The following HHATL variants were observed in gnomAD, a reference collection of about 807,000 sequenced individuals.
HHATL encodes the protein hedgehog acyltransferase like.
In HHATL, 49 loss-of-function variants were observed where a neutral mutation model predicts 59.7. The observed-to-expected ratio is 0.82, with a 90% CI of 0.65 to 1.04. The LOEUF is 1.04. Ranked by LOEUF, HHATL falls within the 50% of genes least tolerant of loss-of-function variation. The pLI is 0.00. For synonymous variants in HHATL, 238 were observed against 257.3 expected (o/e 0.93, Z 0.72); for missense variants, 605 against 650.8 (o/e 0.93, Z 0.77).
intron 9 of HHATL, chr3:42,694,086 A>T (rs890779170): frequency 3.9e-6 from 2 of 511,830 alleles, no homozygotes; most frequent in African/African-American, 3.8e-5. Context: ...TATGACGATG[A>T]CCCCTAAATC....
At chr3:42,694,985 CACTG>C (rs1354920810) in intron 9 of HHATL, among the ~76,000 whole-genome samples, 2 of 152,228 alleles carry the variant, frequency 1.3e-5, no homozygotes, top group Non-Finnish European at 2.9e-5. Flanking sequence ...TTGCCATGTT[CACTG>C]CTGTATCCCC....
At chr3:42,699,205 G>C (rs191545700) in intron 3 of HHATL, 60 bp from the exon 4 acceptor site, 1 of 1,211,540 alleles carries the variant, frequency 8.3e-7, no homozygotes, top group African/African-American at 1.5e-5. Flanking sequence ...GGGACAGGAC[G>C]AGCTGGAACC....
chr3:42,698,873 C>A lies in HHATL; in HGVS notation c.318G>T (p.Gly106=). Residue 106 remains glycine, a synonymous_variant, in exon 5 of 12, where the codon GGG becomes GGT. Transcript: ENST00000441594. ...KLRSWMYAVY[G]ALAVMGTMGP... ...CCATTGTGCCCATCACAGCCAAGGC[C>A]CCGTACACAGCATACATCCAGGAGC... 1.2e-6 allele frequency: 2 copies of A among 1,610,860 alleles called. No homozygotes were observed. Among genetic ancestry groups the A allele is most frequent in the Non-Finnish European group, 1.7e-6 (2 of 1,178,456 alleles).
At chr3:42,697,803 G>A (rs1053277661) in intron 6 of HHATL, 124 bp from the exon 7 acceptor site, 2 of 1,035,018 alleles carry the variant, frequency 1.9e-6, no homozygotes, top group African/African-American at 3.2e-5. Flanking sequence ...CCTGCCTGAG[G>A]GTGGAGACAG....
chr3:42,693,671 G>T lies in HHATL; in HGVS notation c.1194C>A (p.Asn398Lys), dbSNP rs1473150995. 6.2e-7 allele frequency: 1 copy of T among 1,614,180 alleles called. No homozygotes were observed. Among genetic ancestry groups the T allele is most frequent in the East Asian group, 2.2e-5 (1 of 44,882 alleles). The change falls in exon 10 of 12, where the codon AAC (asparagine) becomes AAA (lysine). Residue 398 changes from asparagine to lysine, a missense_variant. Coordinates refer to ENST00000441594, the MANE Select transcript of HHATL (RefSeq NM_020707.4). Reference protein sequence around the residue: ...LWSFLNCFGLNFELWMQKLAE... With the variant: ...LWSFLNCFGLKFELWMQKLAE... Reference sequence around the variant, plus strand: ...CCAGTTTTTGCATCCAGAGCTCAAAGTTGAGGCCAAAGCAGTTAAGGAATG... The same window carrying T: ...CCAGTTTTTGCATCCAGAGCTCAAATTTGAGGCCAAAGCAGTTAAGGAATG...
intron 3 of HHATL, among the ~76,000 whole-genome samples, chr3:42,699,549 T>G (rs1697840173): frequency 6.6e-6 from 1 of 152,132 alleles, no homozygotes; most frequent in East Asian, 1.9e-4. Flanking sequence ...ACTCCACTAA[T>G]GCGACCTATT....
rs780006207 is a variant in HHATL at position 42,700,823 on chromosome 3, C to T, written c.4G>A (p.Gly2Ser). 1 of 1,612,770 alleles carries T rather than the reference C, an allele frequency of 6.2e-7. No individual in the cohort carries two copies. Among genetic ancestry groups the T allele is most frequent in the Non-Finnish European group, 8.5e-7 (1 of 1,178,880 alleles). The change falls in exon 2 of 12, where the codon GGC becomes AGC. Residue 2 changes from glycine (G) to serine (S), a missense_variant. Transcript: ENST00000441594. MGIKTALPAAEL... is the reference protein window; with the variant it reads MSIKTALPAAEL... ...GCCGCCGGCAATGCTGTCTTGATGC[C>T]CATAGCCTGGACAGGGCTGGGGAGA... is the stretch of plus-strand genomic sequence containing the variant.
Position 42,701,165 on chromosome 3 carries a change from A to T in HHATL, c.-13-326T>A, listed in dbSNP as rs1324593307. 1 of 282,104 alleles carries T rather than the reference A, an allele frequency of 3.5e-6. No individual in the cohort carries two copies. The allele number at this position is 282,104 out of a possible 1,614,324, so 17.5% of individuals were successfully genotyped here. ...GGCACCGGCCCCACCCTCTGCCAAA[A>T]CCGCTCCTGCCAAGGCCCCCATGAC... On this transcript the variant is annotated intron_variant, in intron 1 of 11. Transcript: ENST00000441594. This position sits in a 1 kb window ranked among gnomAD's most constrained non-coding sequence, Gnocchi z 5.1.
In HHATL at chr3:42,694,706, G is replaced by A. The variant is rs144811164; in HGVS notation, c.1047-888C>T. ...CCCACACAGTTGGTTTGTGTCTCAA[G>A]GCCTTTGCCCTTGTTGTTCCCTCTA... is the stretch of plus-strand genomic sequence containing the variant. On this transcript the variant is annotated intron_variant, in intron 9 of 11. Transcript: ENST00000441594. Among the ~76,000 whole-genome samples the A allele has an allele frequency of 1.4e-3, 217 of 152,214 alleles. No individual in the cohort carries two copies. In the East Asian group the frequency reaches 0.014, roughly 10 times the overall value.
chr3:42,700,804 G>A lies in HHATL; in HGVS notation c.23C>T (p.Pro8Leu), dbSNP rs756864904. The change falls in exon 2 of 12, where the codon CCG becomes CTG. Residue 8 changes from proline to leucine, a missense_variant. Transcript: ENST00000441594. MGIKTAL[P>L]AAELGLYSLV... The stretch of plus-strand genomic sequence containing the variant: ...AGAGTAGAGGCCCAGCTCAGCCGCC[G>A]GCAATGCTGTCTTGATGCCCATAGC... The A allele has an allele frequency of 5.0e-5, 80 of 1,613,724 alleles. No individual in the cohort carries two copies. Among genetic ancestry groups the A allele is most frequent in the South Asian group, 2.0e-4 (18 of 91,072 alleles).
Position 42,698,297 on chromosome 3 carries a change from T to C in HHATL, c.538A>G (p.Ser180Gly), listed in dbSNP as rs1341010328. ...GTGCAACGCAGCACTGTGAAGCTGC[T>C]GCCCCCATGAAACAGCACCTCTTGA... The part of the protein sequence containing the change: ...DLQEVLFHGG[S>G]SFTVLRCTSF... The change falls in exon 6 of 12, where the codon AGC (serine) becomes GGC (glycine). Residue 180 changes from serine to glycine, a missense_variant. Ser to Gly is a moderately conservative substitution (Grantham distance 56). Transcript: ENST00000441594. The C allele has an allele frequency of 1.2e-6, 2 of 1,613,882 alleles. No individual in the cohort carries two copies. The highest frequency in any genetic ancestry group is 1.7e-6 in the Non-Finnish European group (2 of 1,179,940).
chr3:42,699,156 C>A lies in HHATL; in HGVS notation c.175-11G>T. On this transcript the variant is annotated splice_polypyrimidine_tract_variant and intron_variant, in intron 3 of 11. Coordinates refer to ENST00000441594, the MANE Select transcript of HHATL (RefSeq NM_020707.4). ...GAAGTCAGCCACATCCTGGGGCAGT[C>A]CGGGGCAGAAGGAGGTGGGGCAGGT... The A allele has an allele frequency of 1.2e-6, 2 of 1,609,226 alleles. No homozygotes were observed.
chr3:42,694,176 C>T (rs1009024966), intron 9 of HHATL: 1 of 276,272 alleles, frequency 3.6e-6, no homozygotes, highest in African/African-American at 2.2e-5. Flanking sequence ...ATTCCCCTAT[C>T]CCTGCTCAAA....
rs750287758 is a variant in HHATL at position 42,700,812 on chromosome 3, T to C, written c.15A>G (p.Thr5=). 3.7e-6 allele frequency: 6 copies of C among 1,613,582 alleles called. No individual in the cohort carries two copies. The Admixed American group carries it at 1.0e-4, about 27-fold the overall frequency. Residue 5 remains threonine, a synonymous_variant, in exon 2 of 12, where the codon ACA becomes ACG. Transcript: ENST00000441594. MGIK[T]ALPAAELGLY... ...GGCCCAGCTCAGCCGCCGGCAATGC[T>C]GTCTTGATGCCCATAGCCTGGACAG...
intron 9 of HHATL, among the ~76,000 whole-genome samples, chr3:42,694,966 T>G (rs1697541030): frequency 6.6e-6 from 1 of 152,222 alleles, no homozygotes; most frequent in Non-Finnish European, 1.5e-5. Flanking sequence ...CTCCATGAGT[T>G]CAGGGTCTTT....
At chr3:42,699,879 C>T in intron 2 of HHATL, 54 bp from the exon 3 acceptor site, 1 of 1,463,334 alleles carries the variant, frequency 6.8e-7, no homozygotes, top group East Asian at 2.5e-5. Flanking sequence ...CCTGCCCCAC[C>T]TTCCCCCGTG....
At chr3:42,699,170 G>C in intron 3 of HHATL, 25 bp from the exon 4 acceptor site, 6 of 1,569,146 alleles carry the variant, frequency 3.8e-6, no homozygotes, top group Non-Finnish European at 5.3e-6. Flanking sequence ...GGCAGAAGGA[G>C]GTGGGGCAGG....
chr3:42,699,141 A>G lies in HHATL; in HGVS notation c.179T>C (p.Val60Ala). 2 of 1,613,622 alleles carry G rather than the reference A, an allele frequency of 1.2e-6. No individual in the cohort carries two copies. The highest frequency in any genetic ancestry group is 1.7e-6 in the Non-Finnish European group (2 of 1,179,532). Reference sequence around the variant, plus strand: ...CCACATCACCCACTCGAAGTCAGCCACATCCTGGGGCAGTCCGGGGCAGAA... The same window carrying G: ...CCACATCACCCACTCGAAGTCAGCCGCATCCTGGGGCAGTCCGGGGCAGAA... ...GWEYIGRKMD[V>A]ADFEWVMWFT... The change falls in exon 4 of 12, where the codon GTG (valine) becomes GCG (alanine). Residue 60 changes from valine to alanine, a missense_variant. Transcript: ENST00000441594.
rs749790906 is a variant in HHATL, at chr3:42,697,157, G to A, written c.866-12C>T. 1.3e-6 allele frequency: 2 copies of A among 1,516,488 alleles called. No homozygotes were observed. The highest frequency in any genetic ancestry group is 1.8e-6 in the Non-Finnish European group (2 of 1,132,264). 93.9% of individuals were successfully genotyped at this position (1,516,488 alleles called of 1,614,324 possible). A position where few individuals can be genotyped will look rare whatever the true frequency, so the allele number is the denominator to read the frequency against. ...ATAGGCTAGGCCAGCTGGGGGCAGG[G>A]CACTGTCACTGCCTGGGGTCCAATC... On this transcript the variant is annotated splice_polypyrimidine_tract_variant and intron_variant, in intron 7 of 11. Coordinates refer to ENST00000441594, the MANE Select transcript of HHATL (RefSeq NM_020707.4).
Sources: allele counts gnomAD v4.1 joint callset (sites outside exome capture counted in the v4.1 genomes callset), GRCh38; gene constraint gnomAD v4.1.1; non-coding constraint Gnocchi (gnomAD v3.1); transcripts MANE v1.5; gene names NCBI Gene and HGNC (gene_info 2026-07-23, HGNC 2026-07-21).